The following KANSL1 variants were observed in gnomAD, a reference collection of about 807,000 sequenced individuals.
The protein encoded by KANSL1 is KAT8 regulatory NSL complex subunit 1.
A neutral mutation model predicts 103.6 loss-of-function variants in KANSL1; 22 were observed. The observed-to-expected ratio is 0.21, with a 90% confidence interval of 0.15 to 0.30. The LOEUF (loss-of-function observed/expected upper bound fraction) is 0.30. Among genes scored for constraint, KANSL1 ranks in the 10% least tolerant of loss-of-function variants. The probability of loss-of-function intolerance (pLI) is 1.00; values close to 1 mark genes in which losing one functional copy is unlikely to be tolerated. For missense variants in KANSL1, 1,337 were observed against 1,399.8 expected, an observed-to-expected ratio of 0.96 and a Z score of 0.72; for synonymous variants, 600 against 527.6, an observed-to-expected ratio of 1.14 and a Z score of -1.88.
chr17:46,144,336 T>C (rs1567725544), intron 2 of KANSL1, among the ~76,000 whole-genome samples: 1 of 152,250 alleles, frequency 6.6e-6, no homozygotes. Flanking sequence ...CCAGATTTCC[T>C]CCTCAGTACA....
At chr17:46,150,085 A>G (rs368602153) in intron 2 of KANSL1, among the ~76,000 whole-genome samples, 225 of 150,476 alleles carry the variant, frequency 1.5e-3, no homozygotes, top group African/African-American at 5.4e-3. Flanking sequence ...AAAAAAATAG[A>G]ACTTAACATT....
intron 2 of KANSL1, among the ~76,000 whole-genome samples, chr17:46,166,214 A>C (rs866188337): frequency 2.7e-3 from 134 of 48,878 alleles, no homozygotes; most frequent in Non-Finnish European, 5.7e-3. Flanking sequence ...ACTCTGTCTC[A>C]AAAAAAAAAA....
At chr17:46,087,646 A>G (rs1221019811) in intron 3 of KANSL1, among the ~76,000 whole-genome samples, 3 of 152,212 alleles carry the variant, frequency 2.0e-5, no homozygotes, top group East Asian at 3.8e-4. Context: ...CTAACTGAAG[A>G]GACTGATGAA....
chr17:46,071,390 G>C (rs1052141400), intron 4 of KANSL1, among the ~76,000 whole-genome samples: 8 of 152,172 alleles, frequency 5.3e-5, no homozygotes, highest in Non-Finnish European at 1.0e-4. Context: ...CAGGCATTTG[G>C]ACATGTCCTG....
intron 2 of KANSL1, among the ~76,000 whole-genome samples, chr17:46,109,474 TTC>T (rs1178135799): frequency 6.6e-6 from 1 of 152,188 alleles, no homozygotes. Flanking sequence ...TTGAAAAATA[TTC>T]TGTCATGTTC....
At chr17:46,133,975 G>C (rs909972510) in intron 2 of KANSL1, among the ~76,000 whole-genome samples, 1 of 152,208 alleles carries the variant, frequency 6.6e-6, no homozygotes, top group African/African-American at 2.4e-5. Context: ...AGAAGACTAG[G>C]AATGGGAGTG....
Position 46,163,811 on chromosome 17 carries a change from A to G in KANSL1, c.1289+7044T>C, listed in dbSNP as rs2045867066. Reference sequence around the variant, plus strand: ...AATTATCTCTTTTTCTTCTCACATTACATTTACCATCTGTACCTATAATAC... The same window carrying G: ...AATTATCTCTTTTTCTTCTCACATTGCATTTACCATCTGTACCTATAATAC... On this transcript the variant is annotated intron_variant, in intron 2 of 14. Coordinates refer to ENST00000432791, the MANE Select transcript of KANSL1 (RefSeq NM_015443.4). 2.6e-5 allele frequency among the ~76,000 whole-genome samples: 4 copies of G among 152,180 alleles called. No individual in the cohort carries two copies. The South Asian group carries it at 6.2e-4, about 24-fold the overall frequency.
intron 2 of KANSL1, among the ~76,000 whole-genome samples, chr17:46,100,826 A>C (rs1223819119): frequency 5.3e-5 from 8 of 152,240 alleles, no homozygotes; most frequent in Non-Finnish European, 8.8e-5. Context: ...AATTTTTTTA[A>C]ATCTCATTAA....
intron 1 of KANSL1, among the ~76,000 whole-genome samples, chr17:46,180,190 A>C (rs150353667): frequency 6.6e-6 from 1 of 152,266 alleles, no homozygotes; most frequent in East Asian, 1.9e-4. Context: ...AATAGCCTTA[A>C]TTCAGACTTA....
At chr17:46,198,154 A>G (rs1462435446), upstream of KANSL1, among the ~76,000 whole-genome samples, 1 of 152,196 alleles carries the variant, frequency 6.6e-6, no homozygotes, top group Non-Finnish European at 1.5e-5. Flanking sequence ...GTAGTACTTA[A>G]GCACACAGGA....
intron 5 of KANSL1, 46 bp from the exon 6 acceptor site, chr17:46,066,778 AAAAT>A (rs1363264494): frequency 2.5e-5 from 35 of 1,375,934 alleles, no homozygotes; most frequent in Non-Finnish European, 3.3e-5. Flanking sequence ...ACAAAGAAAC[AAAAT>A]AAATAAACAA....
chr17:46,033,025 A>T, intron 13 of KANSL1, 55 bp downstream of exon 13: 2 of 1,401,568 alleles, frequency 1.4e-6, no homozygotes, highest in Non-Finnish European at 1.9e-6. Context: ...TAGGGCCCAA[A>T]CTCCCTGTCC....
chr17:46,119,242 C>A (rs1198233396), intron 2 of KANSL1, among the ~76,000 whole-genome samples: 1 of 152,074 alleles, frequency 6.6e-6, no homozygotes, highest in Admixed American at 6.5e-5. Context: ...GGGGTTAGGT[C>A]ATTTGTCAGA....
In KANSL1 at chr17:46,050,522, G is replaced by A; in HGVS notation, c.2020+11C>T. 6.2e-7 allele frequency: 1 copy of A among 1,612,918 alleles called. No individual in the cohort carries two copies. Among genetic ancestry groups the A allele is most frequent in the South Asian group, 1.1e-5 (1 of 90,990 alleles). On this transcript the variant is annotated intron_variant, in intron 7 of 14. Coordinates refer to ENST00000432791, the MANE Select transcript of KANSL1 (RefSeq NM_015443.4). ...CTTTCATTAGACTTTCTAGTCTGTG[G>A]TCTTTCTTACCATCTGGAAATGCTA...
At chr17:46,094,958 C>T (rs2041999415) in intron 2 of KANSL1, among the ~76,000 whole-genome samples, 3 of 152,164 alleles carry the variant, frequency 2.0e-5, no homozygotes, top group Non-Finnish European at 4.4e-5. Flanking sequence ...TCTCTGAAAT[C>T]CCTTTAATTT....
rs2078192015 is a variant in KANSL1, at chr17:46,062,119, A to AAAC, written c.1848+4417_1848+4418insGTT. 1.0e-4 allele frequency among the ~76,000 whole-genome samples: 3 copies of AAAC among 29,070 alleles called. 1 individual carries two copies. The highest frequency in any genetic ancestry group is 1.6e-3 in the South Asian group (1 of 642). 19.1% of individuals were successfully genotyped at this position (29,070 alleles called of 152,430 possible). A position where few individuals can be genotyped will look rare whatever the true frequency, so the allele number is the denominator to read the frequency against. On this transcript the variant is annotated intron_variant, in intron 6 of 14. Coordinates refer to ENST00000432791, the MANE Select transcript of KANSL1 (RefSeq NM_015443.4). Reference sequence around the variant, plus strand: ...AAAAAAAAAAAAAAAACAAACAAACAAAAAAAAAAAAAAAACATGTTACAG... The same window carrying AAAC: ...AAAAAAAAAAAAAAAACAAACAAACAAACAAAAAAAAAAAAAAACATGTTACAG...
chr17:46,047,416 G>A (rs932793665), intron 7 of KANSL1, among the ~76,000 whole-genome samples: 10 of 152,164 alleles, frequency 6.6e-5, no homozygotes, highest in African/African-American at 2.4e-4. Context: ...ACAATGACAG[G>A]GTTGAGCAGT....
intron 2 of KANSL1, among the ~76,000 whole-genome samples, chr17:46,141,708 G>A (rs1013389538): frequency 2.0e-5 from 3 of 152,208 alleles, no homozygotes; most frequent in Admixed American, 6.5e-5. Flanking sequence ...ATTCTGGAAA[G>A]ATATTCTTTA....
intron 2 of KANSL1, among the ~76,000 whole-genome samples, chr17:46,103,682 T>A (rs1185158615): frequency 2.6e-5 from 4 of 152,198 alleles, no homozygotes; most frequent in Non-Finnish European, 5.9e-5. Flanking sequence ...CATTGTGGAT[T>A]TTACTGACTG....
Sources: gnomAD v4.1 joint callset for allele counts (sites outside exome capture counted in the v4.1 genomes callset) on GRCh38, gnomAD v4.1.1 for gene constraint, MANE v1.5 for transcripts, NCBI Gene and HGNC (gene_info 2026-07-23, HGNC 2026-07-21) for gene names.